The following ITCH variants were observed in gnomAD, a reference collection of about 807,000 sequenced individuals.
The protein encoded by ITCH is itchy E3 ubiquitin protein ligase.
ITCH carries 28 observed loss-of-function variants against 126.8 expected under a neutral mutation model. The observed-to-expected ratio is 0.22, with a 90% CI of 0.16 to 0.30. ITCH has a LOEUF of 0.30. Among genes scored for constraint, ITCH ranks in the 10% least tolerant of loss-of-function variants. The pLI is 1.00. For synonymous variants in ITCH, 342 were observed against 340.0 expected (o/e 1.01, Z -0.06); for missense variants, 631 against 1,032.4 (o/e 0.61, Z 5.33).
intron 23 of ITCH, among the ~76,000 whole-genome samples, chr20:34,501,509 CTCACGCCTGTAA>C (rs1485550386): frequency 6.6e-6 from 1 of 152,212 alleles, no homozygotes; most frequent in East Asian, 1.9e-4. Flanking sequence ...AGTGCGGTGG[CTCACGCCTGTAA>C]TCCCAGCACT....
At chr20:34,400,307 T>C (rs1266377932) in intron 3 of ITCH, among the ~76,000 whole-genome samples, 1 of 152,096 alleles carries the variant, frequency 6.6e-6, no homozygotes, top group African/African-American at 2.4e-5. Flanking sequence ...TGGCCTCAAG[T>C]GATGCTCCCA....
intron 14 of ITCH, among the ~76,000 whole-genome samples, chr20:34,464,326 T>C (rs1167836898): frequency 1.3e-5 from 2 of 150,816 alleles, no homozygotes; most frequent in East Asian, 1.9e-4. Flanking sequence ...TTCTTTCTTT[T>C]TTTTTTTTGA....
rs569750211 is a variant in ITCH, at chr20:34,441,969, G to A, written c.870-239G>A. ...GTAGACGGACCTCAAGCCTCTTCAG[G>A]AATATGTTTTCTCCTAGAGCAGATA... On this transcript the variant is annotated intron_variant, in intron 9 of 24. Coordinates refer to ENST00000374864, the MANE Select transcript of ITCH (RefSeq NM_031483.7). 6.1e-4 allele frequency: 307 copies of A among 507,340 alleles called. 2 individuals are homozygous for A. Among genetic ancestry groups the A allele is most frequent in the Middle Eastern group, 2.7e-3 (5 of 1,886 alleles). The allele number at this position is 507,340 out of a possible 1,614,324, so 31.4% of individuals were successfully genotyped here.
At chr20:34,480,980 T>G in intron 19 of ITCH, 86 bp from the exon 20 acceptor site, 4 of 1,335,914 alleles carry the variant, frequency 3.0e-6, no homozygotes, top group Admixed American at 1.7e-5. Flanking sequence ...TATTAATTAT[T>G]TAAGAACATG....
At chr20:34,481,577 A>G (rs1288414362) in intron 20 of ITCH, among the ~76,000 whole-genome samples, 1 of 152,190 alleles carries the variant, frequency 6.6e-6, no homozygotes, top group African/African-American at 2.4e-5. Flanking sequence ...TTTATAAAAA[A>G]AAGAGGTTTA....
At chr20:34,366,639 G>A (rs1225579128) in intron 1 of ITCH, among the ~76,000 whole-genome samples, 2 of 152,016 alleles carry the variant, frequency 1.3e-5, no homozygotes, top group Non-Finnish European at 2.9e-5. Flanking sequence ...GGCTGAGGCG[G>A]GTGAATCGCT....
chr20:34,480,551 T>A, intron 18 of ITCH, 48 bp from the exon 19 acceptor site: 1 of 1,597,498 alleles, frequency 6.3e-7, no homozygotes, highest in Non-Finnish European at 8.6e-7. Flanking sequence ...TGAAATAAAA[T>A]GATTATTGTA....
chr20:34,511,000 G>A lies in ITCH; in HGVS notation c.*3206G>A, dbSNP rs184374823. 3.3e-5 allele frequency: 5 copies of A among 152,216 alleles called. No individual in the cohort carries two copies. Among genetic ancestry groups the A allele is most frequent in the Admixed American group, 6.5e-5 (1 of 15,284 alleles). The allele number at this position is 152,216 out of a possible 1,614,324, so 9.4% of individuals were successfully genotyped here. On this transcript the variant is annotated 3_prime_UTR_variant, in exon 25 of 25. Transcript: ENST00000374864. ...CTGGTTAATAATCCGAAATGTTACC[G>A]GGGTTGACTCACGGAATTAAATTTT...
intron 23 of ITCH, among the ~76,000 whole-genome samples, chr20:34,497,058 G>C (rs372424838): frequency 6.6e-6 from 1 of 151,544 alleles, no homozygotes; most frequent in East Asian, 2.0e-4. Flanking sequence ...GTACAGTGGC[G>C]AGATCTCGGC....
At chr20:34,499,115 C>T (rs2146544406) in intron 23 of ITCH, among the ~76,000 whole-genome samples, 1 of 151,712 alleles carries the variant, frequency 6.6e-6, no homozygotes, top group Admixed American at 6.6e-5. Flanking sequence ...ACTGGGACTA[C>T]AGGCGCCTGC....
At chr20:34,486,656 T>TTTTA (rs1218673419) in intron 20 of ITCH, among the ~76,000 whole-genome samples, 2 of 120,108 alleles carry the variant, frequency 1.7e-5, no homozygotes, top group Non-Finnish European at 1.9e-5. Flanking sequence ...TTTTTCACTA[T>TTTTA]TTTATTTATT....
At chr20:34,433,671 A>AC (rs1982628374) in intron 7 of ITCH, among the ~76,000 whole-genome samples, 1 of 151,828 alleles carries the variant, frequency 6.6e-6, no homozygotes, top group Non-Finnish European at 1.5e-5. Context: ...AAAAAAAAAA[A>AC]ACCCAAAAAG....
At chr20:34,444,983 A>T (rs1984260004) in intron 10 of ITCH, among the ~76,000 whole-genome samples, 1 of 152,162 alleles carries the variant, frequency 6.6e-6, no homozygotes, top group Admixed American at 6.6e-5. Flanking sequence ...CTATATATTT[A>T]ATTTGTGTCC....
chr20:34,491,419 G>A (rs1989501021), intron 22 of ITCH, among the ~76,000 whole-genome samples: 1 of 152,154 alleles, frequency 6.6e-6, no homozygotes, highest in Non-Finnish European at 1.5e-5. Flanking sequence ...GGGAAGTTGT[G>A]TTTAATGTGT....
At chr20:34,406,002 T>TCAGC (rs1748107467) in intron 3 of ITCH, among the ~76,000 whole-genome samples, 3 of 152,014 alleles carry the variant, frequency 2.0e-5, no homozygotes, top group Admixed American at 2.0e-4. Flanking sequence ...CTTAGATGTC[T>TCAGC]CAGCATCTGG....
intron 14 of ITCH, among the ~76,000 whole-genome samples, chr20:34,464,258 G>C (rs1488426469): frequency 6.6e-6 from 1 of 150,566 alleles, no homozygotes; most frequent in Non-Finnish European, 1.5e-5. Flanking sequence ...AAAGTGCTGG[G>C]ATTACAGGCG....
chr20:34,490,579 G>A (rs989951069), intron 22 of ITCH, among the ~76,000 whole-genome samples: 1 of 152,294 alleles, frequency 6.6e-6, no homozygotes, highest in Non-Finnish European at 1.5e-5. Context: ...GAAGGCAGAG[G>A]TTGCAGTAAG....
chr20:34,381,138 C>T lies in ITCH; in HGVS notation c.-22+11668C>T, dbSNP rs564555232. On this transcript the variant is annotated intron_variant, in intron 2 of 24. Transcript: ENST00000374864. ...CATTAAGTCCAGGCATGGTGGCTTG[C>T]GCCTGTAATCCCAGCAGTTTGGGAA... is the stretch of plus-strand genomic sequence containing the variant. Among the ~76,000 whole-genome samples, 21 of 152,196 alleles carry T rather than the reference C, an allele frequency of 1.4e-4. No homozygotes were observed. In the South Asian group the frequency reaches 2.9e-3, roughly 21 times the overall value.
rs747674768 is a variant in ITCH, at chr20:34,481,124, C to G, written c.2011C>G (p.Leu671Val). The G allele has an allele frequency of 6.2e-7, 1 of 1,613,184 alleles. No individual in the cohort carries two copies. Among genetic ancestry groups the G allele is most frequent in the Non-Finnish European group, 8.5e-7 (1 of 1,179,382 alleles). The change falls in exon 20 of 25, where the codon CTA becomes GTA. Residue 671 changes from leucine (L) to valine (V), a missense_variant. Transcript: ENST00000374864. ...EMYFSVDKEI[L>V]GEIKSHDLKP... ...GTACTTCTCCGTTGACAAAGAAATT[C>G]TAGGTGAAATTAAGAGTCATGATCT... is the stretch of plus-strand genomic sequence containing the variant.
Sources: gnomAD v4.1 joint callset for allele counts (sites outside exome capture counted in the v4.1 genomes callset) on GRCh38, gnomAD v4.1.1 for gene constraint, MANE v1.5 for transcripts, NCBI Gene and HGNC (gene_info 2026-07-23, HGNC 2026-07-21) for gene names.